Variants in PUM1 observed in about 807,000 individuals in gnomAD.
The protein encoded by PUM1 is pumilio homolog 1.
PUM1 carries 13 observed loss-of-function variants against 131.8 expected under a neutral mutation model. The observed-to-expected ratio is 0.10, with a 90% CI of 0.06 to 0.16. The LOEUF is 0.16. Among genes scored for constraint, PUM1 ranks in the 10% least tolerant of loss-of-function variants. The pLI, the probability that PUM1 is intolerant of heterozygous loss-of-function variation, is 1.00. For synonymous variants in PUM1, 509 were observed against 556.5 expected, an observed-to-expected ratio of 0.91 and a Z score of 1.20; for missense variants, 961 against 1,512.4, an observed-to-expected ratio of 0.64 and a Z score of 6.05.
intron 5 of PUM1, among the ~76,000 whole-genome samples, chr1:31,002,458 G>A (rs562787330): frequency 6.6e-6 from 1 of 152,248 alleles, no homozygotes; most frequent in South Asian, 2.1e-4. Context: ...AAACCAGCAA[G>A]GTAGAAATCA....
chr1:30,946,499 T>C (rs1465451461), intron 17 of PUM1, among the ~76,000 whole-genome samples: 1 of 151,678 alleles, frequency 6.6e-6, no homozygotes, highest in East Asian at 1.9e-4. Flanking sequence ...TAGCTGGGCA[T>C]GGTGGTGCGC....
intron 19 of PUM1, among the ~76,000 whole-genome samples, chr1:30,941,738 A>C (rs1639445268): frequency 6.6e-6 from 1 of 152,192 alleles, no homozygotes; most frequent in Non-Finnish European, 1.5e-5. Flanking sequence ...AGAGGGATTA[A>C]ATGTCTACCT....
intron 6 of PUM1, among the ~76,000 whole-genome samples, chr1:30,993,615 TTC>T (rs1236112599): frequency 2.0e-5 from 3 of 152,108 alleles, no homozygotes; most frequent in African/African-American, 7.2e-5. Flanking sequence ...TTCTCTTTCT[TTC>T]TCTCACTCAC....
At chr1:30,938,880 T>G (rs567596342) in intron 20 of PUM1, among the ~76,000 whole-genome samples, 4 of 78,316 alleles carry the variant, frequency 5.1e-5, no homozygotes, top group African/African-American at 8.0e-5. Flanking sequence ...TAGATAGAGA[T>G]AGATAGATAG....
chr1:31,055,125 A>C (rs1033167540), intron 2 of PUM1, among the ~76,000 whole-genome samples: 5 of 152,200 alleles, frequency 3.3e-5, no homozygotes, highest in Admixed American at 2.0e-4. Context: ...CCCACATGAC[A>C]GATCAGGCAC....
At chr1:30,951,971 A>G (rs1639953417) in intron 16 of PUM1, among the ~76,000 whole-genome samples, 1 of 152,236 alleles carries the variant, frequency 6.6e-6, no homozygotes, top group Non-Finnish European at 1.5e-5. Flanking sequence ...ATCTGAAATA[A>G]TGTGCTGGGT....
rs115072463 is a variant in PUM1 at position 30,986,190 on chromosome 1, G to T, written c.1159-4785C>A. On this transcript the variant is annotated intron_variant, in intron 7 of 21. Coordinates refer to ENST00000426105, the MANE Select transcript of PUM1 (RefSeq NM_001020658.2). ...GGCTGATCTCAAACTCCTGACCTTG[G>T]GTGTCCTGCCAGCCTCAGCCTCCCA... Among the ~76,000 whole-genome samples the T allele has an allele frequency of 6.1e-3, 923 of 152,110 alleles. 9 individuals carry two copies. The highest frequency in any genetic ancestry group is 0.021 in the African/African-American group (883 of 41,482).
chr1:31,002,294 T>C (rs1322557332), intron 5 of PUM1, among the ~76,000 whole-genome samples: 3 of 152,168 alleles, frequency 2.0e-5, no homozygotes, highest in Non-Finnish European at 4.4e-5. Flanking sequence ...CGAATGTGTA[T>C]ACATCCTCCA....
At chr1:31,046,166 C>A (rs1643956613) in intron 2 of PUM1, among the ~76,000 whole-genome samples, 2 of 151,866 alleles carry the variant, frequency 1.3e-5, no homozygotes, top group South Asian at 4.2e-4. Flanking sequence ...GTGGGCAGAT[C>A]ACCTGAGGTC....
chr1:31,010,454 T>C (rs775760574), intron 3 of PUM1, among the ~76,000 whole-genome samples: 3 of 152,192 alleles, frequency 2.0e-5, no homozygotes, highest in Non-Finnish European at 1.5e-5. Flanking sequence ...CTTCTATCTA[T>C]TGTCCTGATT....
chr1:30,945,591 T>C (rs887366491), intron 17 of PUM1, 108 bp from the exon 18 acceptor site: 27 of 1,201,258 alleles, frequency 2.2e-5, no homozygotes, highest in Non-Finnish European at 3.0e-5. Context: ...GAATCTGTGA[T>C]GATGAAAGTG....
intron 5 of PUM1, among the ~76,000 whole-genome samples, chr1:31,005,290 G>A (rs150630682): frequency 7.2e-5 from 11 of 152,166 alleles, no homozygotes. Flanking sequence ...AAAAAAATTT[G>A]TAAGAAAGAA....
chr1:30,950,935 TAAGAG>T (rs1466416314), intron 16 of PUM1, among the ~76,000 whole-genome samples: 2 of 152,196 alleles, frequency 1.3e-5, no homozygotes, highest in East Asian at 3.8e-4. Flanking sequence ...TCTACATCAT[TAAGAG>T]AATTGATTTT....
At chr1:30,952,455 G>A in intron 15 of PUM1, 92 bp from the exon 16 acceptor site, 1 of 1,582,676 alleles carries the variant, frequency 6.3e-7, no homozygotes, top group South Asian at 1.1e-5. Flanking sequence ...CATCCGTTCT[G>A]AAACATGTGA....
At chr1:30,981,112 T>C (rs1017476772) in intron 8 of PUM1, among the ~76,000 whole-genome samples, 200 bp downstream of exon 8, 3 of 152,176 alleles carry the variant, frequency 2.0e-5, no homozygotes, top group Non-Finnish European at 2.9e-5. Flanking sequence ...ACTGAAGAAA[T>C]GTTATGATGC....
intron 5 of PUM1, among the ~76,000 whole-genome samples, chr1:31,003,257 G>T (rs1470985093): frequency 6.6e-6 from 1 of 152,062 alleles, no homozygotes; most frequent in Non-Finnish European, 1.5e-5. Flanking sequence ...CTATCTTCCT[G>T]GTTCTCTGAA....
At chr1:31,056,671 GGCTGAAGTGCAGTGGCAT>G (rs1644249380) in intron 2 of PUM1, among the ~76,000 whole-genome samples, 1 of 122,364 alleles carries the variant, frequency 8.2e-6, no homozygotes. Context: ...CTGTTGCCCA[GGCTGAAGTGCAGTGGCAT>G]GATCTCTGTT....
chr1:31,043,090 AT>A (rs1270882464), intron 2 of PUM1, among the ~76,000 whole-genome samples: 1 of 152,036 alleles, frequency 6.6e-6, no homozygotes, highest in Non-Finnish European at 1.5e-5. Context: ...CGACATATTA[AT>A]TTCATTGTTT....
chr1:31,016,400 T>C (rs947094094), intron 3 of PUM1, among the ~76,000 whole-genome samples: 2 of 152,180 alleles, frequency 1.3e-5, no homozygotes, highest in Non-Finnish European at 2.9e-5. Context: ...AATAAGTATA[T>C]AAAGCAAAGA....
Sources: gnomAD v4.1 joint callset for allele counts (sites outside exome capture counted in the v4.1 genomes callset) on GRCh38, gnomAD v4.1.1 for gene constraint, MANE v1.5 for transcripts, NCBI Gene and HGNC (gene_info 2026-07-23, HGNC 2026-07-21) for gene names.